The following ARB2A variants were observed in gnomAD, a reference collection of about 807,000 sequenced individuals.
ARB2A encodes cotranscriptional regulator ARB2A.
the ARB2A span, among the ~76,000 whole-genome samples, chr5:94,106,529 A>G: frequency 6.6e-6 from 1 of 152,062 alleles, no homozygotes; most frequent in Non-Finnish European, 1.5e-5. Flanking sequence ...TGGTGGGGGG[A>G]ATGTAAATTT....
the ARB2A span, among the ~76,000 whole-genome samples, chr5:93,842,154 G>A: frequency 6.6e-6 from 1 of 152,216 alleles, no homozygotes; most frequent in South Asian, 2.1e-4. Context: ...GTCAGGAAAT[G>A]GGAGGAAGAC....
chr5:93,621,459 C>T, the ARB2A span, among the ~76,000 whole-genome samples: 1 of 152,220 alleles, frequency 6.6e-6, no homozygotes, highest in Admixed American at 6.5e-5. Flanking sequence ...GGGACGCGGC[C>T]CGGATCTGTC....
At chr5:93,817,147 T>C in the ARB2A span, among the ~76,000 whole-genome samples, 2 of 151,600 alleles carry the variant, frequency 1.3e-5, no homozygotes, top group Admixed American at 6.6e-5. Flanking sequence ...TTCAGCAAGG[T>C]TGCAAAATAC....
chr5:94,081,496 T>C, the ARB2A span, among the ~76,000 whole-genome samples: 3 of 152,214 alleles, frequency 2.0e-5, no homozygotes, highest in East Asian at 1.9e-4. Flanking sequence ...AATAGGATAT[T>C]ATTCTTTAAT....
the ARB2A span, among the ~76,000 whole-genome samples, chr5:93,849,208 G>C: frequency 1.3e-5 from 2 of 152,002 alleles, no homozygotes; most frequent in African/African-American, 2.4e-5. Context: ...TCTTAGGATA[G>C]GATACCAACA....
chr5:93,732,597 A>C, the ARB2A span, among the ~76,000 whole-genome samples: 2 of 151,978 alleles, frequency 1.3e-5, no homozygotes, highest in African/African-American at 2.4e-5. Context: ...AAAAAAAAAA[A>C]AACCCAAACC....
chr5:93,687,086 A>G, the ARB2A span, among the ~76,000 whole-genome samples: 2 of 152,206 alleles, frequency 1.3e-5, no homozygotes, highest in African/African-American at 4.8e-5. Flanking sequence ...ACTATTATCC[A>G]TCATATATAA....
the ARB2A span, among the ~76,000 whole-genome samples, chr5:93,753,321 G>A: frequency 6.6e-6 from 1 of 152,128 alleles, no homozygotes; most frequent in Non-Finnish European, 1.5e-5. Flanking sequence ...TTCCTCAAGA[G>A]GTATTTTCAG....
the ARB2A span, among the ~76,000 whole-genome samples, chr5:93,636,684 C>T: frequency 2.6e-5 from 4 of 152,192 alleles, no homozygotes; most frequent in Non-Finnish European, 5.9e-5. Context: ...ATACAGCAGC[C>T]TGAATATACA....
At chr5:93,722,920 C>T in the ARB2A span, among the ~76,000 whole-genome samples, 2 of 152,238 alleles carry the variant, frequency 1.3e-5, no homozygotes, top group Admixed American at 1.3e-4. Flanking sequence ...TCTTACAATA[C>T]ATGTTAAATG....
the ARB2A span, chr5:93,683,631 A>T: frequency 1.3e-6 from 2 of 1,542,954 alleles, no homozygotes; most frequent in African/African-American, 1.4e-5. Context: ...CCTTAAAGTG[A>T]TCATCTTTGT....
At chr5:93,770,414 T>A in the ARB2A span, among the ~76,000 whole-genome samples, 1 of 152,130 alleles carries the variant, frequency 6.6e-6, no homozygotes, top group Non-Finnish European at 1.5e-5. Context: ...GGATGCCCCC[T>A]CTCACCACTC....
chr5:93,888,795 TTTCA>T, the ARB2A span, among the ~76,000 whole-genome samples: 2 of 151,910 alleles, frequency 1.3e-5, no homozygotes, highest in African/African-American at 4.8e-5. Context: ...TTTAAATTGT[TTTCA>T]TTGTTTTTTC....
chr5:93,776,149 A>C, the ARB2A span: 26 of 1,597,788 alleles, frequency 1.6e-5, no homozygotes, highest in Non-Finnish European at 2.1e-5. Context: ...ATCTCTCATC[A>C]AACACATACC....
the ARB2A span, among the ~76,000 whole-genome samples, chr5:93,904,316 T>C: frequency 1.3e-5 from 2 of 151,872 alleles, no homozygotes; most frequent in Non-Finnish European, 2.9e-5. Context: ...ATCTTTTAAG[T>C]AGACTAGATT....
the ARB2A span, among the ~76,000 whole-genome samples, chr5:94,034,694 G>A: frequency 6.6e-6 from 1 of 152,118 alleles, no homozygotes. Flanking sequence ...CTTTTCACAT[G>A]CGTCCATTAG....
At chr5:94,001,004 C>G in the ARB2A span, among the ~76,000 whole-genome samples, 1 of 152,036 alleles carries the variant, frequency 6.6e-6, no homozygotes, top group Non-Finnish European at 1.5e-5. Flanking sequence ...TCCCATTGTT[C>G]TATCTGTCTA....
chr5:94,027,497 AG>A, the ARB2A span, among the ~76,000 whole-genome samples: 31 of 152,296 alleles, frequency 2.0e-4, no homozygotes, highest in South Asian at 5.2e-3. Context: ...AAACCCCAAA[AG>A]GAAGGACTGG....
chr5:93,987,832 T>C, the ARB2A span, among the ~76,000 whole-genome samples: 1 of 152,200 alleles, frequency 6.6e-6, no homozygotes, highest in African/African-American at 2.4e-5. Context: ...GACTTGTATG[T>C]ATTCAACTAA....
Sources: allele counts gnomAD v4.1 joint callset (sites outside exome capture counted in the v4.1 genomes callset), GRCh38; gene constraint gnomAD v4.1.1; transcripts MANE v1.5; gene names NCBI Gene and HGNC (gene_info 2026-07-23, HGNC 2026-07-21).